CNTN5: variants seen among roughly 807,000 people sequenced by gnomAD.
CNTN5 encodes the protein contactin-5.
Under a neutral mutation model 129.1 loss-of-function variants are expected in CNTN5, and 77 were observed. The ratio of observed to expected loss-of-function variants is 0.60; its 90% confidence interval spans 0.50 to 0.72. CNTN5 has a LOEUF of 0.72. CNTN5 is among the 30% of genes least tolerant of loss of function. The pLI is 0.00. For missense variants in CNTN5, 1,478 were observed against 1,328.8 expected, an observed-to-expected ratio of 1.11 and a Z score of -1.75; for synonymous variants, 509 against 465.6, an observed-to-expected ratio of 1.09 and a Z score of -1.20.
chr11:99,995,980 G>A (rs1218152597), intron 8 of CNTN5, among the ~76,000 whole-genome samples: 6 of 152,082 alleles, frequency 3.9e-5, no homozygotes, highest in Non-Finnish European at 8.8e-5. Context: ...TTACTGTGTG[G>A]TCAGATACTT....
intron 3 of CNTN5, among the ~76,000 whole-genome samples, chr11:99,780,223 T>C (rs541662345): frequency 5.7e-4 from 87 of 152,200 alleles, no homozygotes; most frequent in African/African-American, 2.0e-3. Context: ...TGCAGTCCTC[T>C]GCAGAAATAA....
intron 7 of CNTN5, among the ~76,000 whole-genome samples, chr11:99,945,685 T>C (rs1950540336): frequency 6.6e-6 from 1 of 151,970 alleles, no homozygotes. Flanking sequence ...ATAAACAAGC[T>C]CAAGACTGCA....
chr11:99,434,882 A>C (rs925747340), intron 2 of CNTN5, among the ~76,000 whole-genome samples: 1 of 152,276 alleles, frequency 6.6e-6, no homozygotes. Flanking sequence ...CATACTTCTC[A>C]ATTTCTCAGA....
chr11:99,771,699 G>T (rs1313322799), intron 3 of CNTN5, among the ~76,000 whole-genome samples: 2 of 152,056 alleles, frequency 1.3e-5, no homozygotes, highest in African/African-American at 4.8e-5. Context: ...ATTAGAAGAT[G>T]ACCACATTCT....
intron 1 of CNTN5, among the ~76,000 whole-genome samples, chr11:99,265,746 A>C (rs529789655): frequency 6.6e-6 from 1 of 152,088 alleles, no homozygotes; most frequent in South Asian, 2.1e-4. Flanking sequence ...AGTATTACTT[A>C]TTGCTTACTG....
intron 3 of CNTN5, among the ~76,000 whole-genome samples, chr11:99,787,384 A>G (rs1945570043): frequency 6.6e-6 from 1 of 151,674 alleles, no homozygotes; most frequent in Non-Finnish European, 1.5e-5. Flanking sequence ...TCCATATTAA[A>G]AATCTTTATT....
chr11:100,069,177 G>A (rs956214937), intron 10 of CNTN5, among the ~76,000 whole-genome samples: 12 of 152,084 alleles, frequency 7.9e-5, no homozygotes, highest in African/African-American at 2.7e-4. Context: ...TTTTGAGACA[G>A]GTTCTCACTC....
chr11:99,632,210 T>C (rs765563961), intron 3 of CNTN5, among the ~76,000 whole-genome samples: 1 of 150,560 alleles, frequency 6.6e-6, no homozygotes, highest in African/African-American at 2.4e-5. Context: ...TGTAATAATG[T>C]ACAAATATGT....
intron 17 of CNTN5, among the ~76,000 whole-genome samples, chr11:100,260,494 A>C (rs964829440): frequency 6.6e-6 from 1 of 152,202 alleles, no homozygotes; most frequent in Non-Finnish European, 1.5e-5. Flanking sequence ...CACAACAAAA[A>C]AAGAAAATTT....
intron 2 of CNTN5, among the ~76,000 whole-genome samples, chr11:99,363,586 G>A (rs974292996): frequency 1.3e-5 from 2 of 151,968 alleles, no homozygotes; most frequent in Non-Finnish European, 2.9e-5. Context: ...ACTATCAGAG[G>A]ACAGCACCAA....
rs1432273782 is a variant in CNTN5, at chr11:99,818,693, G to T, written c.56-851G>T. On this transcript the variant is annotated intron_variant, in intron 3 of 24. Coordinates refer to ENST00000524871, the MANE Select transcript of CNTN5 (RefSeq NM_014361.4). ...AATTAGTTTGTATTTTTAAAAATTT[G>T]ATCCATATACTAAACTTATTGTTTC... 3.3e-5 allele frequency among the ~76,000 whole-genome samples: 5 copies of T among 151,358 alleles called. No individual in the cohort carries two copies. The East Asian group carries it at 7.8e-4, about 24-fold the overall frequency.
At chr11:100,308,049 A>AT (rs1951393730) in intron 20 of CNTN5, among the ~76,000 whole-genome samples, 1 of 151,746 alleles carries the variant, frequency 6.6e-6, no homozygotes, top group African/African-American at 2.4e-5. Context: ...TCCATAGTCC[A>AT]TTTTTATAGG....
At chr11:99,951,514 C>T (rs2136149548) in intron 7 of CNTN5, among the ~76,000 whole-genome samples, 1 of 152,118 alleles carries the variant, frequency 6.6e-6, no homozygotes, top group Admixed American at 6.5e-5. Flanking sequence ...TATTAATAAG[C>T]ATGCTCAAGC....
At chr11:100,104,904 A>G (rs1945365944) in intron 13 of CNTN5, among the ~76,000 whole-genome samples, 2 of 152,120 alleles carry the variant, frequency 1.3e-5, no homozygotes, top group African/African-American at 4.8e-5. Context: ...TTTTTCACAA[A>G]TTTTGCACCT....
At chr11:100,211,903 A>T (rs765606557) in intron 15 of CNTN5, among the ~76,000 whole-genome samples, 1 of 152,148 alleles carries the variant, frequency 6.6e-6, no homozygotes, top group Non-Finnish European at 1.5e-5. Flanking sequence ...GTTTGTAACC[A>T]TGTTTTCATA....
intron 8 of CNTN5, among the ~76,000 whole-genome samples, chr11:99,972,512 C>G (rs945119828): frequency 2.0e-5 from 3 of 152,184 alleles, no homozygotes; most frequent in African/African-American, 4.8e-5. Context: ...AATCCACATG[C>G]TCTCTCTTTC....
At chr11:100,272,713 G>A (rs895929681) in intron 18 of CNTN5, among the ~76,000 whole-genome samples, 6 of 152,238 alleles carry the variant, frequency 3.9e-5, no homozygotes, top group South Asian at 2.1e-4. Flanking sequence ...GGACCCCTAC[G>A]CGGGGCTACA....
At chr11:99,743,718 A>G (rs1422061520) in intron 3 of CNTN5, among the ~76,000 whole-genome samples, 1 of 152,096 alleles carries the variant, frequency 6.6e-6, no homozygotes, top group African/African-American at 2.4e-5. Context: ...AAAAAGTCAA[A>G]CCTATTTAGA....
chr11:99,906,113 C>G (rs115458398), intron 6 of CNTN5, among the ~76,000 whole-genome samples: 29 of 152,012 alleles, frequency 1.9e-4, no homozygotes, highest in Non-Finnish European at 1.9e-4. Flanking sequence ...TCTGCCTATT[C>G]GAATGCTCTT....
Sources: allele counts gnomAD v4.1 joint callset (sites outside exome capture counted in the v4.1 genomes callset), GRCh38; gene constraint gnomAD v4.1.1; transcripts MANE v1.5; gene names NCBI Gene and HGNC (gene_info 2026-07-23, HGNC 2026-07-21).